Variants in FAAH observed in about 807,000 individuals in gnomAD.
The protein encoded by FAAH is fatty acid amide hydrolase, also known as fatty-acid amide hydrolase 1.
In FAAH, 63 loss-of-function variants were observed where a neutral mutation model predicts 69.7. The observed-to-expected ratio is 0.90, with a 90% confidence interval of 0.74 to 1.12. FAAH has a LOEUF of 1.12. FAAH is among the 50% of genes most tolerant of loss of function. FAAH has a pLI of 0.00. For missense variants in FAAH, 680 were observed against 755.0 expected (o/e 0.90, Z 1.16); for synonymous variants, 305 against 324.2 (o/e 0.94, Z 0.64).
intron 8 of FAAH, among the ~76,000 whole-genome samples, 181 bp downstream of exon 8, chr1:46,408,765 G>A (rs1664847460): frequency 6.6e-6 from 1 of 152,214 alleles, no homozygotes; most frequent in East Asian, 1.9e-4. Flanking sequence ...GTGAGTGATT[G>A]ATGGAGAACT....
In FAAH at chr1:46,406,452, T is replaced by G. The variant is rs1277400210; in HGVS notation, c.951+84T>G. The G allele has an allele frequency of 1.0e-5, 16 of 1,584,474 alleles. No homozygotes were observed. The East Asian group carries it at 3.7e-4, about 37-fold the overall frequency. On this transcript the variant is annotated intron_variant, in intron 7 of 14. Transcript: ENST00000243167. ...CCTTGTGGGCAGGCCTTGGAGCCCC[T>G]GTCTCCTGAGAACCGTCCCCCAGGC...
intron 7 of FAAH, 94 bp from the exon 8 acceptor site, chr1:46,408,365 G>A (rs1180229163): frequency 1.9e-6 from 3 of 1,561,212 alleles, no homozygotes; most frequent in Non-Finnish European, 2.6e-6. Context: ...CCTCGCAGCT[G>A]TGTCTGGGGC....
chr1:46,405,116 C>T lies in FAAH; in HGVS notation c.412C>T (p.Pro138Ser). 1 of 1,613,810 alleles carries T rather than the reference C, an allele frequency of 6.2e-7. No homozygotes were observed. The highest frequency in any genetic ancestry group is 8.5e-7 in the Non-Finnish European group (1 of 1,180,010). Residue 138 changes from proline (P) to serine (S), a missense_variant, in exon 3 of 15, where the codon CCT (proline) becomes TCT (serine). Pro to Ser is a moderately conservative substitution (Grantham distance 74). Coordinates refer to ENST00000243167, the MANE Select transcript of FAAH (RefSeq NM_001441.3). The surrounding 1 kb of genome is among the most constrained non-coding windows in gnomAD (Gnocchi z 4.1). ...AAGGCAGGGCCTGCTCTATGGCGTC[C>T]CTGTGAGCCTCAAGGAGTGCTTCAC... Reference protein sequence around the residue: ...APRQGLLYGVPVSLKECFTYK... With the variant: ...APRQGLLYGVSVSLKECFTYK...
Position 46,405,873 on chromosome 1 carries a change from G to A in FAAH, c.785+79G>A, listed in dbSNP as rs1053622763. ...CTTCCAACCTCTCTGGGCTCCAGGC[G>A]GGGATTCGGTCTCCGGGGTTTTGCT... is the stretch of plus-strand genomic sequence containing the variant. On this transcript the variant is annotated intron_variant, in intron 5 of 14. Coordinates refer to ENST00000243167, the MANE Select transcript of FAAH (RefSeq NM_001441.3). The surrounding 1 kb of genome is among the most constrained non-coding windows in gnomAD (Gnocchi z 4.1). 17 of 1,605,394 alleles carry A rather than the reference G, an allele frequency of 1.1e-5. No individual in the cohort carries two copies. In the South Asian group the frequency reaches 1.2e-4, roughly 11 times the overall value.
At chr1:46,394,625 CAG>C (rs1664564890) in intron 1 of FAAH, 82 bp downstream of exon 1, 2 of 1,173,312 alleles carry the variant, frequency 1.7e-6, no homozygotes, top group African/African-American at 3.2e-5. Context: ...CGCCGAGGGA[CAG>C]GGGATGGGGC....
In FAAH at chr1:46,410,848, AG is replaced by A; in HGVS notation, c.1311del (p.Lys437AsnfsTer22). The A allele has an allele frequency of 6.2e-7, 1 of 1,614,026 alleles. No individual in the cohort carries two copies. The highest frequency in any genetic ancestry group is 8.5e-7 in the Non-Finnish European group (1 of 1,179,994). The part of the protein sequence containing the change: ...PRLSAFLSNM[K>X]SRSAGKLWEL... ...CTGTCAGCTTTCCTCAGCAACATGA[AG>A]TCTCGGTAAGGGTTCTTCTGTGTCT... is the stretch of plus-strand genomic sequence containing the variant. On this transcript the variant is annotated frameshift_variant, in exon 11 of 15. Transcript: ENST00000243167. LOFTEE classifies it high-confidence loss of function. The surrounding 1 kb of genome is among the most constrained non-coding windows in gnomAD (Gnocchi z 4.9).
Position 46,405,163 on chromosome 1 carries a change from A to G in FAAH, c.444+15A>G. ...TCACCTACAAGGTATGCTCTGCCTC[A>G]GCGCCAGGCCTCCATCGTCCCCTCC... On this transcript the variant is annotated intron_variant, in intron 3 of 14. Coordinates refer to ENST00000243167, the MANE Select transcript of FAAH (RefSeq NM_001441.3). This position sits in a 1 kb window ranked among gnomAD's most constrained non-coding sequence, Gnocchi z 4.1. 6.2e-7 allele frequency: 1 copy of G among 1,613,528 alleles called. No individual in the cohort carries two copies. Among genetic ancestry groups the G allele is most frequent in the Non-Finnish European group, 8.5e-7 (1 of 1,180,026 alleles).
In FAAH at chr1:46,402,256, G is replaced by T. The variant is rs752219648; in HGVS notation, c.309+52G>T. The T allele has an allele frequency of 2.8e-6, 4 of 1,435,702 alleles. No individual in the cohort carries two copies. In the African/African-American group the frequency reaches 5.7e-5, roughly 20 times the overall value. The allele number at this position is 1,435,702 out of a possible 1,614,324, so 88.9% of individuals were successfully genotyped here. A position where few individuals can be genotyped will look rare whatever the true frequency, so the allele number is the denominator to read the frequency against. On this transcript the variant is annotated intron_variant, in intron 2 of 14. Coordinates refer to ENST00000243167, the MANE Select transcript of FAAH (RefSeq NM_001441.3). ...CCTGGGAAAGGTAAGGCCAGCCAAG[G>T]CCAGCCCCTCCCTTTCCCCTCCCTC...
rs1485568633 is a variant in FAAH, at chr1:46,410,796, T to C, written c.1276-18T>C. The C allele has an allele frequency of 1.2e-6, 2 of 1,614,144 alleles. No individual in the cohort carries two copies. The highest frequency in any genetic ancestry group is 2.2e-5 in the South Asian group (2 of 91,086). On this transcript the variant is annotated intron_variant, in intron 10 of 14. Coordinates refer to ENST00000243167, the MANE Select transcript of FAAH (RefSeq NM_001441.3). This position sits in a 1 kb window ranked among gnomAD's most constrained non-coding sequence, Gnocchi z 4.9. ...TGGCCCAGAGCTGAGTCACCGACCC[T>C]GCGTCTGTCCTGTGCAGCTGCCAAG... is the stretch of plus-strand genomic sequence containing the variant.
At chr1:46,412,397 G>C in intron 13 of FAAH, 146 bp downstream of exon 13, 2 of 701,414 alleles carry the variant, frequency 2.9e-6, no homozygotes, top group South Asian at 3.3e-5. Context: ...GCAGTCATGT[G>C]GGTTGCCCTG....
chr1:46,395,849 T>G, intron 1 of FAAH, among the ~76,000 whole-genome samples: 1 of 152,128 alleles, frequency 6.6e-6, no homozygotes, highest in South Asian at 2.1e-4. Flanking sequence ...CAGCCCAGGG[T>G]GTAGCCCTGC....
In FAAH at chr1:46,402,214, G is replaced by T; in HGVS notation, c.309+10G>T. On this transcript the variant is annotated intron_variant, in intron 2 of 14. Coordinates refer to ENST00000243167, the MANE Select transcript of FAAH (RefSeq NM_001441.3). ...CACCTATGTGGGAAAGGTAAGGCCAGCCAAGGCCAGCCCCTCCCTGGGAAA... is the reference window on the plus strand; with the variant it reads ...CACCTATGTGGGAAAGGTAAGGCCATCCAAGGCCAGCCCCTCCCTGGGAAA... 6.4e-7 allele frequency: 1 copy of T among 1,570,008 alleles called. No homozygotes were observed.
rs2148453094 is a variant in FAAH, at chr1:46,410,943, G to A, written c.1316+89G>A. Reference sequence around the variant, plus strand: ...TAGTTTCTGACAGGAAAGGACTTGAGGGAAGTAGCCTCTGAGGCTGGAAGT... The same window carrying A: ...TAGTTTCTGACAGGAAAGGACTTGAAGGAAGTAGCCTCTGAGGCTGGAAGT... On this transcript the variant is annotated intron_variant, in intron 11 of 14. Transcript: ENST00000243167. The surrounding 1 kb of genome is among the most constrained non-coding windows in gnomAD (Gnocchi z 4.9). 1.3e-6 allele frequency: 2 copies of A among 1,546,356 alleles called. No individual in the cohort carries two copies. Among genetic ancestry groups the A allele is most frequent in the South Asian group, 2.2e-5 (2 of 89,466 alleles).
At position 46,409,154 on chromosome 1, in the gene FAAH, A is replaced by G. The variant is rs766746901; in HGVS notation, c.1131A>G (p.Thr377=). The G allele has an allele frequency of 1.2e-6, 2 of 1,613,782 alleles. No homozygotes were observed. ...NIPHALETLS[T]GGLFSDGGHT... ...CCCATGCTCTGGAGACCCTGTCAAC[A>G]GGTGGGCTCTTCAGTGATGGTGGCC... The change falls in exon 9 of 15, where the codon ACA becomes ACG. Residue 377 remains threonine, a synonymous_variant. Transcript: ENST00000243167.
rs1322731393 is a variant in FAAH at position 46,406,096 on chromosome 1, C to T, written c.826+18C>T. On this transcript the variant is annotated intron_variant, in intron 6 of 14. Coordinates refer to ENST00000243167, the MANE Select transcript of FAAH (RefSeq NM_001441.3). The stretch of plus-strand genomic sequence containing the variant: ...GGAGGCAGGTGAGGTCCGTGGTGCT[C>T]TCAGTGCCCCGAGGAGGGTGGGGGT... 1 of 1,614,058 alleles carries T rather than the reference C, an allele frequency of 6.2e-7. No homozygotes were observed. Among genetic ancestry groups the T allele is most frequent in the Non-Finnish European group, 8.5e-7 (1 of 1,180,034 alleles).
intron 1 of FAAH, among the ~76,000 whole-genome samples, chr1:46,400,828 A>AAC (rs1664686037): frequency 2.3e-5 from 1 of 44,004 alleles, no homozygotes; most frequent in African/African-American, 1.0e-4. Context: ...GAGGAGGGTA[A>AAC]GAGGGGAGGG....
chr1:46,413,745 A>G lies in FAAH; in HGVS notation c.*170A>G. On this transcript the variant is annotated 3_prime_UTR_variant, in exon 15 of 15. Transcript: ENST00000243167. ...GCCGACTCCCTGAGTCTGGACCTCC[A>G]TCCCTGCTCTGGTCCCCTCTCTTCG... 1.1e-6 allele frequency: 1 copy of G among 895,562 alleles called. No individual in the cohort carries two copies. Among genetic ancestry groups the G allele is most frequent in the Non-Finnish European group, 1.7e-6 (1 of 575,524 alleles). The allele number at this position is 895,562 out of a possible 1,614,324, so 55.5% of individuals were successfully genotyped here. A position where few individuals can be genotyped will look rare whatever the true frequency, so the allele number is the denominator to read the frequency against.
In FAAH at chr1:46,404,155, T is replaced by G. The variant is rs916752291; in HGVS notation, c.310-859T>G. 6.6e-6 allele frequency among the ~76,000 whole-genome samples: 1 copy of G among 152,206 alleles called. No individual in the cohort carries two copies. The highest frequency in any genetic ancestry group is 1.5e-5 in the Non-Finnish European group (1 of 68,024). On this transcript the variant is annotated intron_variant, in intron 2 of 14. Transcript: ENST00000243167. This position sits in a 1 kb window ranked among gnomAD's most constrained non-coding sequence, Gnocchi z 4.5. ...ACATAGTCTCAGCAGATGGTCTTGC[T>G]TCTTCCCTGTCAATGTCCCTGAAAG... is the stretch of plus-strand genomic sequence containing the variant.
rs758025092 is a variant in FAAH at position 46,410,893 on chromosome 1, G to C, written c.1316+39G>C. The C allele has an allele frequency of 1.2e-6, 2 of 1,613,130 alleles. No homozygotes were observed. Among genetic ancestry groups the C allele is most frequent in the Admixed American group, 1.7e-5 (1 of 60,008 alleles). ...TGTGTCTAGCTGCCGGCCCCTGCCTGTCCTGATCCGAGTCTGGGTCTGGGT... is the reference window on the plus strand; with the variant it reads ...TGTGTCTAGCTGCCGGCCCCTGCCTCTCCTGATCCGAGTCTGGGTCTGGGT... On this transcript the variant is annotated intron_variant, in intron 11 of 14. Transcript: ENST00000243167. This position sits in a 1 kb window ranked among gnomAD's most constrained non-coding sequence, Gnocchi z 4.9.
Sources: allele counts gnomAD v4.1 joint callset (sites outside exome capture counted in the v4.1 genomes callset), GRCh38; gene constraint gnomAD v4.1.1; non-coding constraint Gnocchi (gnomAD v3.1); transcripts MANE v1.5; gene names NCBI Gene and HGNC (gene_info 2026-07-23, HGNC 2026-07-21).